The following PTPRD variants were observed in gnomAD, a reference collection of about 807,000 sequenced individuals.
PTPRD encodes protein tyrosine phosphatase receptor type D, also known as receptor-type tyrosine-protein phosphatase delta.
Under a neutral mutation model 214.5 loss-of-function variants are expected in PTPRD, and 34 were observed. The observed-to-expected ratio is 0.16, with a 90% CI of 0.12 to 0.21. The LOEUF (loss-of-function observed/expected upper bound fraction) is 0.21, where lower values mean the gene tolerates loss of function less well. Ranked by LOEUF, PTPRD falls within the 10% of genes least tolerant of loss-of-function variation. The probability of loss-of-function intolerance (pLI) is 1.00; values close to 1 mark genes in which losing one functional copy is unlikely to be tolerated. For missense variants in PTPRD, 2,545 were observed against 2,398.7 expected, an observed-to-expected ratio of 1.06 and a Z score of -1.27; for synonymous variants, 1,128 against 845.7, an observed-to-expected ratio of 1.33 and a Z score of -5.79.
chr9:10,241,599 A>G (rs2091060524), intron 3 of PTPRD, among the ~76,000 whole-genome samples: 1 of 151,992 alleles, frequency 6.6e-6, no homozygotes, highest in Non-Finnish European at 1.5e-5. Context: ...TACAAAGCAC[A>G]TTGCATGATT....
At chr9:9,301,889 A>T (rs767600749) in intron 9 of PTPRD, among the ~76,000 whole-genome samples, 33 of 151,940 alleles carry the variant, frequency 2.2e-4, no homozygotes, top group Non-Finnish European at 3.8e-4. Flanking sequence ...TCCAGACAAC[A>T]TCTAGAAGGA....
intron 9 of PTPRD, among the ~76,000 whole-genome samples, chr9:9,281,119 C>T (rs564942228): frequency 1.3e-5 from 2 of 151,106 alleles, no homozygotes; most frequent in East Asian, 3.9e-4. Flanking sequence ...CAAAAGCAAA[C>T]ATAGACCTAA....
intron 3 of PTPRD, among the ~76,000 whole-genome samples, chr9:10,188,781 C>G (rs578095866): frequency 1.3e-5 from 2 of 152,230 alleles, no homozygotes; most frequent in South Asian, 4.1e-4. Flanking sequence ...TTGTATACTA[C>G]AATGTACCAG....
At chr9:10,080,709 C>T (rs2098222537) in intron 3 of PTPRD, among the ~76,000 whole-genome samples, 1 of 151,970 alleles carries the variant, frequency 6.6e-6, no homozygotes, top group East Asian at 1.9e-4. Flanking sequence ...AAAATAACTC[C>T]CTTTCTTTTC....
chr9:10,210,691 C>A (rs947372954), intron 3 of PTPRD, among the ~76,000 whole-genome samples: 4 of 146,556 alleles, frequency 2.7e-5, no homozygotes, highest in African/African-American at 1.0e-4. Flanking sequence ...ATATATATTT[C>A]CATATACATA....
intron 25 of PTPRD, among the ~76,000 whole-genome samples, chr9:8,497,547 G>C (rs1479128912): frequency 6.6e-6 from 1 of 152,112 alleles, no homozygotes; most frequent in Non-Finnish European, 1.5e-5. Flanking sequence ...AAAAGTTAAT[G>C]TTTCTAATCA....
chr9:8,420,710 T>C (rs2094295587), intron 35 of PTPRD, among the ~76,000 whole-genome samples: 1 of 152,072 alleles, frequency 6.6e-6, no homozygotes, highest in Non-Finnish European at 1.5e-5. Flanking sequence ...GTAGTCTTTA[T>C]GAAATTTATA....
intron 3 of PTPRD, among the ~76,000 whole-genome samples, chr9:10,301,282 A>G (rs1425432316): frequency 6.6e-6 from 1 of 152,188 alleles, no homozygotes; most frequent in Non-Finnish European, 1.5e-5. Context: ...ATCAAAGACC[A>G]AAGGTAGATA....
At chr9:10,111,163 C>T (rs955646386) in intron 3 of PTPRD, among the ~76,000 whole-genome samples, 2 of 147,084 alleles carry the variant, frequency 1.4e-5, no homozygotes, top group African/African-American at 5.0e-5. Context: ...AATGCCATGA[C>T]ATTTTCCAAA....
intron 10 of PTPRD, among the ~76,000 whole-genome samples, chr9:9,069,015 T>C (rs1258787936): frequency 1.3e-5 from 2 of 152,246 alleles, no homozygotes; most frequent in East Asian, 1.9e-4. Context: ...ATTTCATATA[T>C]ACAAAGGAAA....
intron 2 of PTPRD, among the ~76,000 whole-genome samples, chr9:10,533,276 T>C (rs2056907430): frequency 6.6e-6 from 1 of 152,108 alleles, no homozygotes; most frequent in South Asian, 2.1e-4. Flanking sequence ...TCTTTATAAA[T>C]CACCTGGTCT....
intron 14 of PTPRD, among the ~76,000 whole-genome samples, chr9:8,614,980 C>T (rs1450661406): frequency 1.3e-5 from 2 of 152,108 alleles, no homozygotes; most frequent in South Asian, 2.1e-4. Flanking sequence ...CTTCTTTGCT[C>T]CTTCTTTTGT....
chr9:10,404,762 T>C (rs143565598), intron 2 of PTPRD, among the ~76,000 whole-genome samples: 1,520 of 48,778 alleles, frequency 0.031, 613 homozygotes, highest in African/African-American at 0.071. Flanking sequence ...GAAAGCTCTA[T>C]AGTTCCCAAG....
intron 3 of PTPRD, among the ~76,000 whole-genome samples, chr9:10,135,925 C>A (rs555040019): frequency 1.3e-4 from 20 of 148,356 alleles, no homozygotes; most frequent in African/African-American, 4.5e-4. Flanking sequence ...TTGAAAAGCA[C>A]AGAATTGTAA....
At chr9:10,416,447 A>C (rs371416159) in intron 2 of PTPRD, among the ~76,000 whole-genome samples, 13 of 151,926 alleles carry the variant, frequency 8.6e-5, no homozygotes, top group African/African-American at 2.7e-4. Flanking sequence ...ATAAAGAAGA[A>C]ATAATTTGAA....
At chr9:8,530,912 G>A (rs2075529443) in intron 14 of PTPRD, among the ~76,000 whole-genome samples, 1 of 152,066 alleles carries the variant, frequency 6.6e-6, no homozygotes, top group Admixed American at 6.6e-5. Flanking sequence ...AGGATAGAAA[G>A]TTTCTATCTT....
intron 14 of PTPRD, among the ~76,000 whole-genome samples, chr9:8,600,841 G>T (rs2094813315): frequency 1.3e-5 from 2 of 151,860 alleles, no homozygotes; most frequent in Admixed American, 6.6e-5. Context: ...TACCAACTGT[G>T]GTGGCTATGG....
chr9:9,475,907 C>A lies in PTPRD; in HGVS notation c.-236-78425G>T, dbSNP rs186843589. On this transcript the variant is annotated intron_variant, in intron 8 of 45. Coordinates refer to ENST00000381196, the MANE Select transcript of PTPRD (RefSeq NM_002839.4). ...GGCCTATGTTATATATAAACTGCTA[C>A]CTCCGCAGTGGTAGTTTCACACATT... 2.2e-3 allele frequency among the ~76,000 whole-genome samples: 336 copies of A among 152,226 alleles called. 1 individual carries two copies. Among genetic ancestry groups the A allele is most frequent in the African/African-American group, 7.9e-3 (328 of 41,548 alleles).
intron 7 of PTPRD, among the ~76,000 whole-genome samples, chr9:9,615,386 G>C (rs2094797198): frequency 6.6e-6 from 1 of 152,172 alleles, no homozygotes; most frequent in Non-Finnish European, 1.5e-5. Flanking sequence ...TTGTGAAGCA[G>C]CACCAGACAG....
Sources: allele counts gnomAD v4.1 joint callset (sites outside exome capture counted in the v4.1 genomes callset), GRCh38; gene constraint gnomAD v4.1.1; transcripts MANE v1.5; gene names NCBI Gene and HGNC (gene_info 2026-07-23, HGNC 2026-07-21).